DSCAM: variants seen among roughly 807,000 people sequenced by gnomAD.
DSCAM encodes cell adhesion molecule DSCAM.
DSCAM carries 47 observed loss-of-function variants against 217.7 expected under a neutral mutation model. The observed-to-expected ratio is 0.22, with a 90% CI of 0.17 to 0.28. DSCAM has a LOEUF of 0.28. DSCAM is among the 10% of genes least tolerant of loss of function. The pLI, the probability that DSCAM is intolerant of heterozygous loss-of-function variation, is 1.00. For synonymous variants in DSCAM, 1,056 were observed against 1,015.3 expected, an observed-to-expected ratio of 1.04 and a Z score of -0.76; for missense variants, 2,080 against 2,618.3, an observed-to-expected ratio of 0.79 and a Z score of 4.49.
At chr21:40,161,080 G>A (rs960724226) in intron 16 of DSCAM, among the ~76,000 whole-genome samples, 45 of 152,144 alleles carry the variant, frequency 3.0e-4, no homozygotes, top group African/African-American at 1.1e-3. Context: ...CCCTGTGGCT[G>A]CGAGTAGCTC....
chr21:40,033,345 A>G (rs548448197), intron 32 of DSCAM, among the ~76,000 whole-genome samples: 2 of 152,314 alleles, frequency 1.3e-5, no homozygotes, highest in East Asian at 3.9e-4. Context: ...AAGCAGGGCG[A>G]GGCATTGCAT....
chr21:40,160,063 G>C (rs551785120), intron 16 of DSCAM, among the ~76,000 whole-genome samples: 9 of 152,300 alleles, frequency 5.9e-5, no homozygotes, highest in African/African-American at 2.2e-4. Context: ...TGTTAATCAA[G>C]GGACCACCTT....
chr21:40,634,402 G>A (rs1385437224), intron 3 of DSCAM, among the ~76,000 whole-genome samples: 1 of 152,164 alleles, frequency 6.6e-6, no homozygotes, highest in Non-Finnish European at 1.5e-5. Flanking sequence ...TCACTACCAA[G>A]GCTTCTACCA....
intron 3 of DSCAM, among the ~76,000 whole-genome samples, chr21:40,628,692 G>GCTAT (rs60453786): frequency 7.2e-4 from 108 of 149,768 alleles, no homozygotes; most frequent in Middle Eastern, 3.5e-3. Context: ...ATAAGCACTT[G>GCTAT]CTATCTATCT....
chr21:40,797,161 C>T (rs934738392), intron 1 of DSCAM, among the ~76,000 whole-genome samples: 1 of 152,162 alleles, frequency 6.6e-6, no homozygotes, highest in African/African-American at 2.4e-5. Flanking sequence ...ACACATTGTG[C>T]TTATCTTGAC....
At chr21:40,591,496 CTT>C (rs2076984250) in intron 3 of DSCAM, among the ~76,000 whole-genome samples, 1 of 152,134 alleles carries the variant, frequency 6.6e-6, no homozygotes, top group African/African-American at 2.4e-5. Flanking sequence ...TGTATGTTAA[CTT>C]GTTTTCTATC....
intron 3 of DSCAM, among the ~76,000 whole-genome samples, chr21:40,672,641 C>T (rs757955106): frequency 5.3e-5 from 8 of 152,190 alleles, no homozygotes; most frequent in Non-Finnish European, 7.3e-5. Context: ...CACACATATA[C>T]ACCAAGAACA....
At chr21:40,453,557 C>A (rs1171570329) in intron 3 of DSCAM, among the ~76,000 whole-genome samples, 2 of 152,180 alleles carry the variant, frequency 1.3e-5, no homozygotes, top group Non-Finnish European at 2.9e-5. Flanking sequence ...GGGACCACTG[C>A]CCATGTCCTG....
intron 1 of DSCAM, among the ~76,000 whole-genome samples, chr21:40,728,763 C>G (rs1297109701): frequency 6.6e-6 from 1 of 152,196 alleles, no homozygotes; most frequent in Non-Finnish European, 1.5e-5. Context: ...TTGCACAGCA[C>G]CTTAGGCCCT....
Position 40,349,136 on chromosome 21 carries a change from C to CAAAAA in DSCAM, c.935-1196_935-1192dup, listed in dbSNP as rs758386936. Among the ~76,000 whole-genome samples, 109 of 38,688 alleles carry CAAAAA rather than the reference C, an allele frequency of 2.8e-3. 6 individuals carry two copies. The highest frequency in any genetic ancestry group is 4.6e-3 in the African/African-American group (47 of 10,290). 25.4% of individuals were successfully genotyped at this position (38,688 alleles called of 152,430 possible). A position where few individuals can be genotyped will look rare whatever the true frequency, so the allele number is the denominator to read the frequency against. On this transcript the variant is annotated intron_variant, in intron 5 of 32. Coordinates refer to ENST00000400454, the MANE Select transcript of DSCAM (RefSeq NM_001389.5). ...TGGGGGACAGAGTGAGACTCCATCT[C>CAAAAA]AAAAAAAAAAAAAAAAAAAGAAATG...
chr21:40,657,289 T>A (rs2090086942), intron 3 of DSCAM, among the ~76,000 whole-genome samples: 2 of 152,188 alleles, frequency 1.3e-5, no homozygotes, highest in African/African-American at 4.8e-5. Flanking sequence ...TAATCTTCTA[T>A]CCCCAGAGGT....
At chr21:40,704,575 G>T (rs939145501) in intron 2 of DSCAM, among the ~76,000 whole-genome samples, 9 of 151,838 alleles carry the variant, frequency 5.9e-5, no homozygotes, top group African/African-American at 1.7e-4. Context: ...TAAAGAATTA[G>T]CCAGGTGTGG....
intron 3 of DSCAM, among the ~76,000 whole-genome samples, chr21:40,564,514 C>T (rs897157158): frequency 6.6e-6 from 1 of 152,158 alleles, no homozygotes; most frequent in African/African-American, 2.4e-5. Flanking sequence ...ATACTTCTGG[C>T]CTTCCTTTGA....
chr21:40,790,182 T>TTC (rs1330070417), intron 1 of DSCAM, among the ~76,000 whole-genome samples: 15 of 133,994 alleles, frequency 1.1e-4, no homozygotes, highest in African/African-American at 3.9e-4. Context: ...CTTTCTTTCT[T>TTC]TTTTTTTTTT....
chr21:40,103,684 CATATATGACTAT>C (rs544649523), intron 20 of DSCAM, among the ~76,000 whole-genome samples: 155 of 151,592 alleles, frequency 1.0e-3, no homozygotes, highest in African/African-American at 3.2e-3. Flanking sequence ...GATACCATTA[CATATATGACTAT>C]ATATATGACT....
At chr21:40,611,241 T>A (rs112307230) in intron 3 of DSCAM, among the ~76,000 whole-genome samples, 3,741 of 151,920 alleles carry the variant, frequency 0.025, 122 homozygotes, top group East Asian at 0.092. Flanking sequence ...GTAATTTTAG[T>A]AGAGACTGGG....
At chr21:40,195,481 C>T (rs924347124) in intron 11 of DSCAM, among the ~76,000 whole-genome samples, 1 of 152,108 alleles carries the variant, frequency 6.6e-6, no homozygotes, top group Non-Finnish European at 1.5e-5. Flanking sequence ...GTCAAATGCC[C>T]AAATACAGGA....
intron 8 of DSCAM, among the ~76,000 whole-genome samples, chr21:40,332,174 T>C (rs1162546341): frequency 1.3e-5 from 2 of 152,236 alleles, no homozygotes; most frequent in South Asian, 4.1e-4. Flanking sequence ...CAATATCTTT[T>C]GCCCTACATT....
chr21:40,081,639 G>A (rs1490917350), intron 24 of DSCAM, among the ~76,000 whole-genome samples: 1 of 152,096 alleles, frequency 6.6e-6, no homozygotes, highest in African/African-American at 2.4e-5. Flanking sequence ...TAGGGACTCT[G>A]CTTTCCTCCC....
Sources: allele counts gnomAD v4.1 joint callset (sites outside exome capture counted in the v4.1 genomes callset), GRCh38; gene constraint gnomAD v4.1.1; transcripts MANE v1.5; gene names NCBI Gene and HGNC (gene_info 2026-07-23, HGNC 2026-07-21).